The following INO80C variants were observed in gnomAD, a reference collection of about 807,000 sequenced individuals.
The protein encoded by INO80C is IES6 homolog.
A neutral mutation model predicts 17.7 loss-of-function variants in INO80C; 17 were observed. That is an observed-to-expected ratio of 0.96 (90% confidence interval 0.66 to 1.44). INO80C has a LOEUF of 1.44. Ranked by LOEUF, INO80C falls within the 40% of genes most tolerant of loss-of-function variation. The probability of loss-of-function intolerance (pLI) is 0.00; values close to 1 mark genes in which losing one functional copy is unlikely to be tolerated. For missense variants in INO80C, 244 were observed against 245.0 expected (o/e 1.00, Z 0.03); for synonymous variants, 96 against 95.8 (o/e 1.00, Z -0.01).
chr18:35,476,696 T>C (rs1019879567), intron 4 of INO80C, among the ~76,000 whole-genome samples: 6 of 152,172 alleles, frequency 3.9e-5, no homozygotes, highest in Admixed American at 2.0e-4. Flanking sequence ...CTTAGATTGA[T>C]AGACTGGATA....
chr18:35,474,014 A>G (rs1245693111), intron 4 of INO80C, among the ~76,000 whole-genome samples: 1 of 151,700 alleles, frequency 6.6e-6, no homozygotes, highest in Non-Finnish European at 1.5e-5. Context: ...ACAATCAAAA[A>G]CTTGTAGATG....
intron 2 of INO80C, 25 bp from the exon 3 acceptor site, chr18:35,479,436 A>C (rs1351075781): frequency 1.3e-6 from 2 of 1,497,816 alleles, no homozygotes; most frequent in Non-Finnish European, 1.9e-6. Flanking sequence ...ATGGATTAGA[A>C]GAAACAAAAA....
At chr18:35,486,030 G>A (rs2045870597) in intron 1 of INO80C, among the ~76,000 whole-genome samples, 1 of 152,252 alleles carries the variant, frequency 6.6e-6, no homozygotes, top group South Asian at 2.1e-4. Context: ...TCCAGAGGCT[G>A]AGGCAAGTTC....
At chr18:35,489,060 T>C (rs967592510) in intron 1 of INO80C, 1 of 176,272 alleles carries the variant, frequency 5.7e-6, no homozygotes, top group African/African-American at 2.4e-5. Flanking sequence ...TCCATATCAT[T>C]ATCAGCATTT....
chr18:35,476,738 C>T (rs1455654560), intron 4 of INO80C, among the ~76,000 whole-genome samples: 3 of 152,142 alleles, frequency 2.0e-5, no homozygotes, highest in African/African-American at 4.8e-5. Flanking sequence ...CAGAGGCTCA[C>T]GTCTTTAATC....
intron 1 of INO80C, among the ~76,000 whole-genome samples, chr18:35,494,245 T>C (rs1049411483): frequency 6.6e-6 from 1 of 152,212 alleles, no homozygotes; most frequent in Non-Finnish European, 1.5e-5. Flanking sequence ...AGAATTCCAG[T>C]ACACCCCTGC....
chr18:35,488,475 G>A (rs957016234), intron 1 of INO80C, among the ~76,000 whole-genome samples: 4 of 128,996 alleles, frequency 3.1e-5, no homozygotes, highest in Non-Finnish European at 6.6e-5. Flanking sequence ...TGCAGCCGTG[G>A]CCCAAGCTCT....
At position 35,485,002 on chromosome 18, in the gene INO80C, G is replaced by A. The variant is rs141186895; in HGVS notation, c.157-4439C>T. Among the ~76,000 whole-genome samples, 57 of 152,292 alleles carry A rather than the reference G, an allele frequency of 3.7e-4. 1 individual carries two copies. The Middle Eastern group carries it at 0.01, about 27-fold the overall frequency. ...GAGGCTAGAAGTCCAAGAACAACGT[G>A]TTGACAAGTTTGGTTTCTCCTGAGG... On this transcript the variant is annotated intron_variant, in intron 1 of 4. Transcript: ENST00000334598.
chr18:35,477,365 C>G (rs2045749645), intron 4 of INO80C, among the ~76,000 whole-genome samples: 1 of 152,154 alleles, frequency 6.6e-6, no homozygotes, highest in Non-Finnish European at 1.5e-5. Flanking sequence ...CAGGGACAAA[C>G]AGGGATATTA....
At chr18:35,486,240 C>G (rs2045872600) in intron 1 of INO80C, among the ~76,000 whole-genome samples, 1 of 152,148 alleles carries the variant, frequency 6.6e-6, no homozygotes, top group Admixed American at 6.5e-5. Context: ...AAAAATTACA[C>G]TAACAAAAAG....
chr18:35,473,499 G>A (rs942284478), intron 4 of INO80C, among the ~76,000 whole-genome samples: 12 of 152,182 alleles, frequency 7.9e-5, no homozygotes, highest in African/African-American at 2.9e-4. Context: ...AGCTGCCCTG[G>A]AAGGGAGGCA....
intron 4 of INO80C, among the ~76,000 whole-genome samples, chr18:35,475,662 G>C (rs1028275510): frequency 4.1e-5 from 6 of 145,856 alleles, no homozygotes; most frequent in Admixed American, 1.4e-4. Flanking sequence ...AACAGAGTAA[G>C]ACCCTGTCTT....
intron 1 of INO80C, among the ~76,000 whole-genome samples, chr18:35,487,109 G>A (rs1410027381): frequency 6.6e-6 from 1 of 152,146 alleles, no homozygotes; most frequent in Admixed American, 6.5e-5. Context: ...ACCTTACTAA[G>A]TGCTCAAATC....
intron 4 of INO80C, among the ~76,000 whole-genome samples, chr18:35,472,857 C>A (rs145044977): frequency 6.6e-6 from 1 of 152,316 alleles, no homozygotes; most frequent in East Asian, 1.9e-4. Context: ...ATCTATATTT[C>A]TTCTCTGGCA....
In INO80C at chr18:35,497,897, TCCC is replaced by T. The variant is rs751653128; in HGVS notation, c.-26_-24del. On this transcript the variant is annotated 5_prime_UTR_variant, in exon 1 of 5. Transcript: ENST00000334598. The stretch of plus-strand genomic sequence containing the variant: ...CATCGCACTCCGAGTCTTCCCCTGG[TCCC>T]CCCACCTTTTTCCCAGCGCGGGCCT... 21 of 1,514,350 alleles carry T rather than the reference TCCC, an allele frequency of 1.4e-5. No homozygotes were observed. The African/African-American group carries it at 2.9e-4, about 21-fold the overall frequency. The allele number at this position is 1,514,350 out of a possible 1,614,324, so 93.8% of individuals were successfully genotyped here. A position where few individuals can be genotyped will look rare whatever the true frequency, so the allele number is the denominator to read the frequency against.
intron 1 of INO80C, among the ~76,000 whole-genome samples, chr18:35,486,108 CCT>C (rs760146999): frequency 3.9e-4 from 60 of 152,052 alleles, no homozygotes; most frequent in Non-Finnish European, 7.1e-4. Context: ...AGAGTGAGCC[CCT>C]GTCTCTAAAA....
At position 35,478,265 on chromosome 18, in the gene INO80C, G is replaced by A. The variant is rs1425346088; in HGVS notation, c.447+17C>T. 5.3e-6 allele frequency: 8 copies of A among 1,518,258 alleles called. No homozygotes were observed. The highest frequency in any genetic ancestry group is 7.2e-6 in the Non-Finnish European group (8 of 1,106,608). The allele number at this position is 1,518,258 out of a possible 1,614,324, so 94.0% of individuals were successfully genotyped here. ...ATCTTTTCCATTTAATGTTATAAGA[G>A]ATATAATCATACTCACAAGCAGACC... On this transcript the variant is annotated intron_variant, in intron 4 of 4. Transcript: ENST00000334598.
At chr18:35,487,321 G>T in intron 1 of INO80C, 1 of 344,576 alleles carries the variant, frequency 2.9e-6, no homozygotes, top group Non-Finnish European at 5.7e-6. Flanking sequence ...CCATTTTCAT[G>T]CTGCTGATAC....
rs191901574 is a variant in INO80C at position 35,497,920 on chromosome 18, G to C, written c.-46C>G. 116 of 1,482,190 alleles carry C rather than the reference G, an allele frequency of 7.8e-5. No individual in the cohort carries two copies. The South Asian group carries it at 1.2e-3, about 15-fold the overall frequency. 91.8% of individuals were successfully genotyped at this position (1,482,190 alleles called of 1,614,324 possible). On this transcript the variant is annotated 5_prime_UTR_variant, in exon 1 of 5. Coordinates refer to ENST00000334598, the MANE Select transcript of INO80C (RefSeq NM_194281.4). Reference sequence around the variant, plus strand: ...GGTCCCCCCACCTTTTTCCCAGCGCGGGCCTTGGAACTTCCTTTCCGCTGT... The same window carrying C: ...GGTCCCCCCACCTTTTTCCCAGCGCCGGCCTTGGAACTTCCTTTCCGCTGT...
Sources: allele counts gnomAD v4.1 joint callset (sites outside exome capture counted in the v4.1 genomes callset), GRCh38; gene constraint gnomAD v4.1.1; transcripts MANE v1.5; gene names NCBI Gene and HGNC (gene_info 2026-07-23, HGNC 2026-07-21).